Variants in PSD3 observed in about 807,000 individuals in gnomAD.
The protein encoded by PSD3 is PH and SEC7 domain-containing protein 3.
A neutral mutation model predicts 105.5 loss-of-function variants in PSD3; 49 were observed. The observed-to-expected ratio is 0.46, with a 90% CI of 0.37 to 0.59. The LOEUF (loss-of-function observed/expected upper bound fraction) is 0.59, where lower values mean the gene tolerates loss of function less well. PSD3 is among the 20% of genes least tolerant of loss of function. The pLI is 0.00. For missense variants in PSD3, 1,561 were observed against 1,263.8 expected (o/e 1.24, Z -3.57); for synonymous variants, 557 against 457.8 (o/e 1.22, Z -2.77).
intron 9 of PSD3, among the ~76,000 whole-genome samples, chr8:18,695,534 A>T (rs1273292830): frequency 6.6e-6 from 1 of 152,202 alleles, no homozygotes; most frequent in African/African-American, 2.4e-5. Context: ...ATTATGTAAT[A>T]ACTGACACAT....
At chr8:18,560,293 C>T (rs1166878319) in intron 14 of PSD3, among the ~76,000 whole-genome samples, 1 of 152,030 alleles carries the variant, frequency 6.6e-6, no homozygotes, top group East Asian at 1.9e-4. Context: ...GGAGATGTCA[C>T]ATTCTCAGAC....
At chr8:18,744,912 C>A (rs977757156) in intron 9 of PSD3, among the ~76,000 whole-genome samples, 5 of 152,134 alleles carry the variant, frequency 3.3e-5, no homozygotes, top group Admixed American at 1.3e-4. Flanking sequence ...ATGACCTCGA[C>A]ACTTCAAAAG....
At chr8:19,007,598 T>C (rs983288198) in intron 1 of PSD3, among the ~76,000 whole-genome samples, 4 of 152,080 alleles carry the variant, frequency 2.6e-5, no homozygotes, top group African/African-American at 9.7e-5. Flanking sequence ...TACTGTAGTT[T>C]CAGTATTTGC....
chr8:18,736,665 G>C (rs1804173077), intron 9 of PSD3, among the ~76,000 whole-genome samples: 1 of 152,112 alleles, frequency 6.6e-6, no homozygotes, highest in African/African-American at 2.4e-5. Flanking sequence ...GAGCAGAATA[G>C]CATGTTGAGA....
intron 9 of PSD3, among the ~76,000 whole-genome samples, chr8:18,709,374 C>A (rs577882767): frequency 6.6e-6 from 1 of 152,170 alleles, no homozygotes; most frequent in African/African-American, 2.4e-5. Context: ...ACGGGAGGGG[C>A]GGCCACTGTC....
intron 1 of PSD3, among the ~76,000 whole-genome samples, chr8:19,046,140 C>A (rs118159240): frequency 1.3e-5 from 2 of 152,092 alleles, no homozygotes; most frequent in Non-Finnish European, 2.9e-5. Context: ...GAGATGGAGT[C>A]TCACTCTGTT....
chr8:18,561,225 T>C (rs948846000), intron 14 of PSD3, among the ~76,000 whole-genome samples: 2 of 152,162 alleles, frequency 1.3e-5, no homozygotes, highest in African/African-American at 4.8e-5. Flanking sequence ...CTAGAAGAGA[T>C]CTAAGTGTCC....
At chr8:18,631,677 G>C (rs1806905719) in intron 11 of PSD3, among the ~76,000 whole-genome samples, 1 of 151,870 alleles carries the variant, frequency 6.6e-6, no homozygotes, top group Admixed American at 6.6e-5. Context: ...TAGTAATCTA[G>C]TATATAAGGT....
intron 1 of PSD3, among the ~76,000 whole-genome samples, chr8:19,011,274 A>G (rs1374087220): frequency 1.3e-5 from 2 of 152,192 alleles, no homozygotes; most frequent in African/African-American, 4.8e-5. Flanking sequence ...CAATTAACCT[A>G]TCACCACACT....
chr8:18,773,172 C>T (rs560745355), intron 8 of PSD3, among the ~76,000 whole-genome samples: 1 of 152,224 alleles, frequency 6.6e-6, no homozygotes, highest in Non-Finnish European at 1.5e-5. Flanking sequence ...GTCTTTAAAA[C>T]ATTGAGATAA....
At chr8:18,653,843 G>T (rs868616275) in intron 10 of PSD3, among the ~76,000 whole-genome samples, 1 of 151,590 alleles carries the variant, frequency 6.6e-6, no homozygotes, top group African/African-American at 2.4e-5. Flanking sequence ...CTTCATAAAA[G>T]AATCTTCAAT....
At chr8:18,852,230 T>C (rs1460256773) in intron 4 of PSD3, among the ~76,000 whole-genome samples, 2 of 152,078 alleles carry the variant, frequency 1.3e-5, no homozygotes, top group Non-Finnish European at 2.9e-5. Context: ...TCAATAACCA[T>C]GGAATAAAAA....
chr8:18,595,615 G>C lies in PSD3; in HGVS notation c.2481+4749C>G, dbSNP rs142278627. Reference sequence around the variant, plus strand: ...TATTGCATGCAATTGGTAACAAAAAGAGCAGAGGGGTAGCCATACTTATAT... The same window carrying C: ...TATTGCATGCAATTGGTAACAAAAACAGCAGAGGGGTAGCCATACTTATAT... On this transcript the variant is annotated intron_variant, in intron 12 of 15. Coordinates refer to ENST00000327040, the MANE Select transcript of PSD3 (RefSeq NM_015310.4). 1.2e-4 allele frequency among the ~76,000 whole-genome samples: 18 copies of C among 151,962 alleles called. No homozygotes were observed. In the East Asian group the frequency reaches 3.3e-3, roughly 28 times the overall value.
intron 8 of PSD3, among the ~76,000 whole-genome samples, chr8:18,770,371 T>C (rs568039682): frequency 1.3e-5 from 2 of 152,384 alleles, no homozygotes; most frequent in South Asian, 4.1e-4. Context: ...CTAGATATAA[T>C]TTTCTTATCA....
intron 6 of PSD3, among the ~76,000 whole-genome samples, chr8:18,803,949 C>T (rs1421158883): frequency 1.5e-5 from 1 of 68,940 alleles, no homozygotes; most frequent in African/African-American, 5.2e-5. Context: ...TATCTGTATT[C>T]TAACACGATA....
chr8:18,554,660 G>T (rs1264744790), intron 15 of PSD3, among the ~76,000 whole-genome samples: 1 of 152,088 alleles, frequency 6.6e-6, no homozygotes, highest in Non-Finnish European at 1.5e-5. Flanking sequence ...AGCACACATA[G>T]CAAGGCCTGG....
intron 11 of PSD3, among the ~76,000 whole-genome samples, chr8:18,619,231 T>G (rs2130701722): frequency 6.6e-6 from 1 of 152,164 alleles, no homozygotes; most frequent in East Asian, 1.9e-4. Context: ...CAGATGCACC[T>G]CCTTATATCC....
At chr8:18,990,695 T>C (rs148946196) in intron 1 of PSD3, among the ~76,000 whole-genome samples, 2 of 152,226 alleles carry the variant, frequency 1.3e-5, no homozygotes, top group African/African-American at 4.8e-5. Context: ...TGAAATTTTT[T>C]AAAACAGAAT....
At chr8:19,083,092 C>A (rs1829694315) in intron 1 of PSD3, among the ~76,000 whole-genome samples, 1 of 152,144 alleles carries the variant, frequency 6.6e-6, no homozygotes, top group African/African-American at 2.4e-5. Flanking sequence ...TTCATTTCTT[C>A]TGTGACTTCC....
Sources: allele counts gnomAD v4.1 joint callset (sites outside exome capture counted in the v4.1 genomes callset), GRCh38; gene constraint gnomAD v4.1.1; transcripts MANE v1.5; gene names NCBI Gene and HGNC (gene_info 2026-07-23, HGNC 2026-07-21).